MAF: variants seen among roughly 807,000 people sequenced by gnomAD.
MAF encodes MAF bZIP transcription factor, also known as transcription factor Maf.
MAF carries 10 observed loss-of-function variants against 22.0 expected under a neutral mutation model. The observed-to-expected ratio is 0.45, with a 90% CI of 0.28 to 0.77. The LOEUF is 0.77. Among genes scored for constraint, MAF ranks in the 30% least tolerant of loss-of-function variants. The pLI is 0.12. For synonymous variants in MAF, 337 were observed against 255.8 expected (o/e 1.32, Z -3.03); for missense variants, 544 against 548.4 (o/e 0.99, Z 0.08).
At chr16:79,235,640 T>C in the MAF span, among the ~76,000 whole-genome samples, 1 of 152,176 alleles carries the variant, frequency 6.6e-6, no homozygotes, top group African/African-American at 2.4e-5. Context: ...TATGGGCAAC[T>C]CTATGCACAC....
the MAF span, among the ~76,000 whole-genome samples, chr16:79,563,381 T>A: frequency 6.6e-6 from 1 of 152,274 alleles, no homozygotes; most frequent in Non-Finnish European, 1.5e-5. Flanking sequence ...ACTGAAGCAG[T>A]GAAAATATTG....
At chr16:79,555,007 G>C in the MAF span, among the ~76,000 whole-genome samples, 1 of 152,138 alleles carries the variant, frequency 6.6e-6, no homozygotes, top group African/African-American at 2.4e-5. Context: ...GTGAAGAACT[G>C]GTGGGAAGAA....
chr16:79,554,166 G>A, the MAF span, among the ~76,000 whole-genome samples: 25 of 151,902 alleles, frequency 1.6e-4, no homozygotes, highest in Non-Finnish European at 3.1e-4. Flanking sequence ...ATTCTAAAGT[G>A]CTGTTCACTT....
At chr16:79,464,736 T>C in the MAF span, among the ~76,000 whole-genome samples, 1 of 152,310 alleles carries the variant, frequency 6.6e-6, no homozygotes, top group South Asian at 2.1e-4. Context: ...GTTCAAGGTT[T>C]CTGAGAGGGT....
the MAF span, among the ~76,000 whole-genome samples, chr16:79,514,421 T>A: frequency 6.6e-6 from 1 of 152,224 alleles, no homozygotes; most frequent in Admixed American, 6.5e-5. Flanking sequence ...TATGGAAATA[T>A]TCACAGAATG....
chr16:79,305,346 G>A, the MAF span, among the ~76,000 whole-genome samples: 1 of 152,232 alleles, frequency 6.6e-6, no homozygotes, highest in Non-Finnish European at 1.5e-5. Flanking sequence ...GGACTGCAGA[G>A]GTGAGGTATT....
chr16:79,445,543 G>A, the MAF span, among the ~76,000 whole-genome samples: 1 of 152,192 alleles, frequency 6.6e-6, no homozygotes, highest in Non-Finnish European at 1.5e-5. Context: ...CAGAGTTCAG[G>A]TGCTAACCCC....
chr16:79,550,725 G>C, the MAF span, among the ~76,000 whole-genome samples: 2 of 152,128 alleles, frequency 1.3e-5, no homozygotes, highest in Non-Finnish European at 2.9e-5. Flanking sequence ...GGGTATGGTA[G>C]GATTTTGCAC....
the MAF span, among the ~76,000 whole-genome samples, chr16:79,424,888 T>C: frequency 1.3e-5 from 2 of 152,206 alleles, no homozygotes; most frequent in African/African-American, 4.8e-5. Flanking sequence ...CATATTTTCA[T>C]TATGAAAAAT....
the MAF span, among the ~76,000 whole-genome samples, chr16:79,487,968 G>A: frequency 1.0e-3 from 155 of 152,280 alleles, no homozygotes; most frequent in Non-Finnish European, 1.8e-3. Context: ...AAACTACAAG[G>A]AAATTAGACA....
At chr16:79,430,179 T>G in the MAF span, among the ~76,000 whole-genome samples, 3 of 152,152 alleles carry the variant, frequency 2.0e-5, no homozygotes, top group African/African-American at 7.2e-5. Context: ...TGACGGTAAT[T>G]GGAAAGGAAA....
At chr16:79,444,796 C>T in the MAF span, among the ~76,000 whole-genome samples, 1 of 152,140 alleles carries the variant, frequency 6.6e-6, no homozygotes, top group African/African-American at 2.4e-5. Flanking sequence ...CTCCCCTTAT[C>T]ATAGCAACTA....
the MAF span, among the ~76,000 whole-genome samples, chr16:79,275,291 C>A: frequency 1.3e-5 from 2 of 152,096 alleles, no homozygotes; most frequent in African/African-American, 4.8e-5. Flanking sequence ...AGGGAGGTTG[C>A]AGTGAGATTT....
At chr16:79,515,525 T>C in the MAF span, among the ~76,000 whole-genome samples, 3 of 152,346 alleles carry the variant, frequency 2.0e-5, no homozygotes, top group South Asian at 6.2e-4. Context: ...TCTGAGCACA[T>C]TTTAAGTAAG....
the MAF span, among the ~76,000 whole-genome samples, chr16:79,223,034 A>T: frequency 6.6e-6 from 1 of 152,232 alleles, no homozygotes; most frequent in Non-Finnish European, 1.5e-5. Context: ...AGACATTTAC[A>T]GAACTCTCCA....
chr16:79,427,688 C>A, the MAF span, among the ~76,000 whole-genome samples: 1 of 152,074 alleles, frequency 6.6e-6, no homozygotes, highest in Non-Finnish European at 1.5e-5. Context: ...GATCTGCTTG[C>A]CTGGAAAGCC....
the MAF span, among the ~76,000 whole-genome samples, chr16:79,455,983 A>C: frequency 6.6e-6 from 1 of 152,144 alleles, no homozygotes. Flanking sequence ...TTGCCACTGC[A>C]CTCCAGCCTG....
the MAF span, among the ~76,000 whole-genome samples, chr16:79,260,684 G>C: frequency 6.6e-6 from 1 of 152,180 alleles, no homozygotes; most frequent in Admixed American, 6.5e-5. Flanking sequence ...TTCAACAGGC[G>C]AAGCATCGGT....
the MAF span, among the ~76,000 whole-genome samples, chr16:79,282,798 A>T: frequency 6.6e-6 from 1 of 152,184 alleles, no homozygotes; most frequent in Non-Finnish European, 1.5e-5. Context: ...ACAGTATTTT[A>T]TCGCCTGAGG....
Sources: gnomAD v4.1 joint callset for allele counts (sites outside exome capture counted in the v4.1 genomes callset) on GRCh38, gnomAD v4.1.1 for gene constraint, MANE v1.5 for transcripts, NCBI Gene and HGNC (gene_info 2026-07-23, HGNC 2026-07-21) for gene names.